The following BBS12 variants were observed in gnomAD, a reference collection of about 807,000 sequenced individuals.
The protein encoded by BBS12 is chaperonin-containing T-complex member BBS12.
Under a neutral mutation model 5.6 loss-of-function variants are expected in BBS12, and 5 were observed. The ratio of observed to expected loss-of-function variants is 0.89; its 90% CI spans 0.46 to 1.86. BBS12 has a LOEUF of 1.86. Ranked by LOEUF, BBS12 falls within the 40% of genes most tolerant of loss-of-function variation. The probability of loss-of-function intolerance (pLI) is 0.01; values close to 1 mark genes in which losing one functional copy is unlikely to be tolerated. For missense variants in BBS12, 748 were observed against 830.4 expected (o/e 0.90, Z 1.22); for synonymous variants, 308 against 306.8 (o/e 1.00, Z -0.04).
the BBS12 span, among the ~76,000 whole-genome samples, chr4:122,719,083 C>T: frequency 6.6e-6 from 1 of 152,086 alleles, no homozygotes; most frequent in African/African-American, 2.4e-5. Context: ...CCTCCCAAAG[C>T]ACTGGGATTA....
chr4:122,710,935 G>A, the BBS12 span, among the ~76,000 whole-genome samples: 1 of 152,146 alleles, frequency 6.6e-6, no homozygotes, highest in Non-Finnish European at 1.5e-5. Flanking sequence ...GTGGGATCCA[G>A]CATAGAACAT....
At position 122,743,244 on chromosome 4, in the gene BBS12, C is replaced by T; in HGVS notation, c.1352C>T (p.Ala451Val). Residue 451 changes from alanine to valine, a missense_variant, in exon 2 of 2, where the codon GCA (alanine) becomes GTA (valine). Physicochemically the swap from Ala to Val is moderately conservative, Grantham distance 64. Transcript: ENST00000314218. ...VMQAFAEAAGAVQVAYITQVN... is the reference protein window; with the variant it reads ...VMQAFAEAAGVVQVAYITQVN... ...CAGGCTTTTGCAGAGGCTGCAGGAG[C>T]AGTACAGGTGGCCTACATTACACAA... The T allele has an allele frequency of 1.2e-6, 2 of 1,614,166 alleles. No homozygotes were observed. Among genetic ancestry groups the T allele is most frequent in the Non-Finnish European group, 1.7e-6 (2 of 1,180,032 alleles).
At chr4:122,727,541 C>T in the BBS12 span, among the ~76,000 whole-genome samples, 3 of 104,520 alleles carry the variant, frequency 2.9e-5, no homozygotes, top group African/African-American at 1.4e-4. Flanking sequence ...CCGCCCCTGG[C>T]CAATTTTTTT....
At chr4:122,731,509 G>A (rs28541730), upstream of BBS12, 413 of 152,126 alleles carry the variant, frequency 2.7e-3, no homozygotes, top group African/African-American at 9.5e-3. Context: ...AAATGTAGCA[G>A]GTTATTGCTA....
the BBS12 span, among the ~76,000 whole-genome samples, chr4:122,723,916 G>A: frequency 6.6e-6 from 1 of 152,138 alleles, no homozygotes; most frequent in African/African-American, 2.4e-5. Flanking sequence ...CAAGCAAATA[G>A]TTATAAAAGA....
rs1180598308 is a variant in BBS12, at chr4:122,743,392, T to C, written c.1500T>C (p.Val500=). 1.2e-6 allele frequency: 2 copies of C among 1,614,190 alleles called. No homozygotes were observed. Among genetic ancestry groups the C allele is most frequent in the Non-Finnish European group, 1.7e-6 (2 of 1,180,038 alleles). ...ILLKTEGINL[V]TAVLTNPVTA... ...TAAAAACAGAAGGAATTAATTTGGT[T>C]ACGGCCGTGCTCACTAACCCAGTTA... is the stretch of plus-strand genomic sequence containing the variant. The change falls in exon 2 of 2, where the codon GTT becomes GTC. Residue 500 remains valine (V), a synonymous_variant. Coordinates refer to ENST00000314218, the MANE Select transcript of BBS12 (RefSeq NM_152618.3).
chr4:122,717,971 C>T, the BBS12 span, among the ~76,000 whole-genome samples: 1 of 151,996 alleles, frequency 6.6e-6, no homozygotes, highest in African/African-American at 2.4e-5. Flanking sequence ...CTTTCAAAGC[C>T]CAGAAGAGCA....
intron 1 of BBS12, among the ~76,000 whole-genome samples, chr4:122,740,028 T>C (rs1319822435): frequency 6.6e-6 from 1 of 152,158 alleles, no homozygotes; most frequent in African/African-American, 2.4e-5. Flanking sequence ...CCCAGCACTT[T>C]GGGAGGCCTA....
intron 1 of BBS12, among the ~76,000 whole-genome samples, chr4:122,738,400 C>T (rs1404592690): frequency 6.6e-6 from 1 of 152,102 alleles, no homozygotes; most frequent in South Asian, 2.1e-4. Context: ...TTAACAGAGA[C>T]GGGTTTCACT....
the BBS12 span, among the ~76,000 whole-genome samples, chr4:122,709,073 G>T: frequency 6.6e-6 from 1 of 151,950 alleles, no homozygotes; most frequent in Non-Finnish European, 1.5e-5. Flanking sequence ...ACGTGTGTGT[G>T]TGTATATATA....
chr4:122,718,165 T>C, the BBS12 span, among the ~76,000 whole-genome samples: 1 of 152,206 alleles, frequency 6.6e-6, no homozygotes, highest in Admixed American at 6.5e-5. Context: ...TTACTTGATA[T>C]TACTACTTCA....
chr4:122,717,693 C>A, the BBS12 span, among the ~76,000 whole-genome samples: 1 of 152,106 alleles, frequency 6.6e-6, no homozygotes, highest in Admixed American at 6.5e-5. Flanking sequence ...CCGTGCCCAG[C>A]TAGTTTCTTA....
chr4:122,708,162 C>A, the BBS12 span, among the ~76,000 whole-genome samples: 1 of 152,064 alleles, frequency 6.6e-6, no homozygotes, highest in Non-Finnish European at 1.5e-5. Flanking sequence ...CAGGCACAGG[C>A]CACCATACCT....
the BBS12 span, among the ~76,000 whole-genome samples, chr4:122,716,726 TAC>T: frequency 8.2e-6 from 1 of 122,458 alleles, no homozygotes; most frequent in Non-Finnish European, 1.6e-5. Flanking sequence ...TGTGTGTATA[TAC>T]ACACACACGT....
In BBS12 at chr4:122,742,868, ACTT is replaced by A. The variant is rs779801356; in HGVS notation, c.983_985del (p.Ser328del). On this transcript the variant is annotated inframe_deletion, in exon 2 of 2. Transcript: ENST00000314218. ...TTGCTGTCTACCAGGCTTACCTGAAACTTCTTCTTGTGTTTGTCCAGGATATAT... is the reference window on the plus strand; with the variant it reads ...TTGCTGTCTACCAGGCTTACCTGAAACTTCTTGTGTTTGTCCAGGATATAT... 186 of 1,614,170 alleles carry A rather than the reference ACTT, an allele frequency of 1.2e-4. No homozygotes were observed. The highest frequency in any genetic ancestry group is 2.5e-4 in the Admixed American group (15 of 60,020).
chr4:122,734,359 G>A (rs915870121), intron 1 of BBS12, among the ~76,000 whole-genome samples: 3 of 151,820 alleles, frequency 2.0e-5, no homozygotes, highest in Non-Finnish European at 2.9e-5. Flanking sequence ...TCCACCTCCC[G>A]GGTTCTCGCC....
intron 1 of BBS12, among the ~76,000 whole-genome samples, chr4:122,737,644 T>C (rs1288381060): frequency 1.3e-5 from 2 of 152,226 alleles, no homozygotes; most frequent in Non-Finnish European, 2.9e-5. Flanking sequence ...TGGATATCCA[T>C]GAGGAAAGAG....
chr4:122,741,869 T>C lies in BBS12; in HGVS notation c.-10-14T>C. 6.2e-7 allele frequency: 1 copy of C among 1,606,158 alleles called. No individual in the cohort carries two copies. Among genetic ancestry groups the C allele is most frequent in the Non-Finnish European group, 8.5e-7 (1 of 1,173,008 alleles). On this transcript the variant is annotated splice_polypyrimidine_tract_variant and intron_variant, in intron 1 of 1. Coordinates refer to ENST00000314218, the MANE Select transcript of BBS12 (RefSeq NM_152618.3). ...TATACTGAATAAAGTTACAAGTTTTTATTTTGTTTGCAGATCATGATACAT... is the reference window on the plus strand; with the variant it reads ...TATACTGAATAAAGTTACAAGTTTTCATTTTGTTTGCAGATCATGATACAT...
the BBS12 span, among the ~76,000 whole-genome samples, chr4:122,715,698 A>C: frequency 6.6e-6 from 1 of 152,206 alleles, no homozygotes; most frequent in Non-Finnish European, 1.5e-5. Flanking sequence ...TTATTTATCC[A>C]TGATATACTT....
Sources: allele counts gnomAD v4.1 joint callset (sites outside exome capture counted in the v4.1 genomes callset), GRCh38; gene constraint gnomAD v4.1.1; transcripts MANE v1.5; gene names NCBI Gene and HGNC (gene_info 2026-07-23, HGNC 2026-07-21).